RYR3: variants seen among roughly 807,000 people sequenced by gnomAD.
RYR3 encodes the protein ryanodine receptor 3, also known as brain ryanodine receptor-calcium release channel.
In RYR3, 207 loss-of-function variants were observed where a neutral mutation model predicts 584.3. The ratio of observed to expected loss-of-function variants is 0.35; its 90% CI spans 0.32 to 0.40. The LOEUF is 0.40. RYR3 is among the 10% of genes least tolerant of loss of function. RYR3 has a pLI of 1.00. For missense variants in RYR3, 5,616 were observed against 6,089.2 expected, an observed-to-expected ratio of 0.92 and a Z score of 2.59; for synonymous variants, 2,416 against 2,248.5, an observed-to-expected ratio of 1.07 and a Z score of -2.11.
At chr15:33,759,221 A>G (rs888304923) in intron 60 of RYR3, among the ~76,000 whole-genome samples, 1 of 152,204 alleles carries the variant, frequency 6.6e-6, no homozygotes, top group African/African-American at 2.4e-5. Flanking sequence ...AATTCCAAAA[A>G]CCAGAATGTC....
At chr15:33,726,240 G>A (rs1419686581) in intron 45 of RYR3, 146 bp from the exon 46 acceptor site, 1 of 805,300 alleles carries the variant, frequency 1.2e-6, no homozygotes, top group Non-Finnish European at 2.0e-6. Context: ...CTCTTTCCCT[G>A]TGGCCACAAG....
At chr15:33,354,283 C>A (rs1199310205) in intron 1 of RYR3, among the ~76,000 whole-genome samples, 2 of 152,152 alleles carry the variant, frequency 1.3e-5, no homozygotes, top group Admixed American at 1.3e-4. Context: ...GTAAGATGCC[C>A]ATTTCTTAGT....
chr15:33,625,963 C>T (rs2060963099), intron 20 of RYR3, among the ~76,000 whole-genome samples: 1 of 152,194 alleles, frequency 6.6e-6, no homozygotes, highest in South Asian at 2.1e-4. Flanking sequence ...CCTTATACCA[C>T]TGTGGCATTT....
Position 33,772,086 on chromosome 15 carries a change from G to A in RYR3, c.8983G>A (p.Val2995Met). 1 of 1,613,822 alleles carries A rather than the reference G, an allele frequency of 6.2e-7. No homozygotes were observed. The highest frequency in any genetic ancestry group is 8.5e-7 in the Non-Finnish European group (1 of 1,179,838). The stretch of plus-strand genomic sequence containing the variant: ...TTCTCAGAATATTAACTACACTACA[G>A]TGGCTCTGCTCCCCATCCTGACGTC... ...GVSQNINYTT[V>M]ALLPILTSIF... The change falls in exon 63 of 104, where the codon GTG becomes ATG. Residue 2995 changes from valine to methionine, a missense_variant. By Grantham distance (21) the Val-to-Met change is conservative. Around this residue, in one of 9 missense-constraint regions of RYR3, gnomAD observed 954 missense variants for 1,132.2 expected, o/e 0.84. Transcript: ENST00000634891.
chr15:33,519,857 C>T (rs894765546), intron 3 of RYR3, among the ~76,000 whole-genome samples: 1 of 152,084 alleles, frequency 6.6e-6, no homozygotes, highest in Non-Finnish European at 1.5e-5. Flanking sequence ...AGCCTCTCCA[C>T]CCAAGGCTAC....
intron 76 of RYR3, among the ~76,000 whole-genome samples, chr15:33,819,420 C>T (rs1322155856): frequency 1.3e-5 from 2 of 152,090 alleles, no homozygotes; most frequent in Non-Finnish European, 2.9e-5. Flanking sequence ...GCCTGTAATT[C>T]CAGCATTTTG....
At chr15:33,325,572 C>A (rs1461421288) in intron 1 of RYR3, among the ~76,000 whole-genome samples, 1 of 151,308 alleles carries the variant, frequency 6.6e-6, no homozygotes, top group Non-Finnish European at 1.5e-5. Flanking sequence ...CCTTTAGGGT[C>A]CTGAATTCCC....
In RYR3 at chr15:33,755,161, A is replaced by C. The variant is rs1481136779; in HGVS notation, c.8496A>C (p.Gln2832His). ...TCCTGAAATACGTTGATTCTGCTCA[A>C]GAATTTATTGCCCATTTAGGTAAGT... Reference protein sequence around the residue: ...KKILKYVDSAQEFIAHLEAIV... With the variant: ...KKILKYVDSAHEFIAHLEAIV... Residue 2832 changes from glutamine to histidine, a missense_variant, in exon 58 of 104, where the codon CAA becomes CAC. Transcript: ENST00000634891. 5 of 1,605,692 alleles carry C rather than the reference A, an allele frequency of 3.1e-6. No homozygotes were observed. The African/African-American group carries it at 6.7e-5, about 21-fold the overall frequency.
intron 1 of RYR3, among the ~76,000 whole-genome samples, chr15:33,409,189 A>G (rs570191233): frequency 2.4e-4 from 37 of 152,278 alleles, no homozygotes; most frequent in African/African-American, 8.4e-4. Flanking sequence ...ACTCGGAGAT[A>G]AGAAATAGGC....
intron 63 of RYR3, 86 bp from the exon 64 acceptor site, chr15:33,773,448 T>A (rs897941515): frequency 1.2e-5 from 11 of 880,130 alleles, no homozygotes; most frequent in Non-Finnish European, 1.8e-5. Context: ...TCTTTACTGA[T>A]GCTCATGCAT....
chr15:33,696,535 A>C (rs755721611), intron 39 of RYR3, 44 bp downstream of exon 39: 5 of 1,593,810 alleles, frequency 3.1e-6, no homozygotes, highest in Non-Finnish European at 4.3e-6. Context: ...AGGAGCTTTA[A>C]GTGGGAAAAC....
chr15:33,580,265 G>T, intron 13 of RYR3, 121 bp downstream of exon 13: 1 of 835,832 alleles, frequency 1.2e-6, no homozygotes, highest in Non-Finnish European at 1.8e-6. Context: ...GAGGACAAGA[G>T]AGATTTGGAA....
At chr15:33,669,501 G>A in intron 37 of RYR3, 45 bp downstream of exon 37, 1 of 1,545,500 alleles carries the variant, frequency 6.5e-7, no homozygotes, top group Non-Finnish European at 8.9e-7. Context: ...TACAAGAAGA[G>A]TCTGTTTTTG....
At chr15:33,849,527 G>C (rs1320347132) in intron 94 of RYR3, 1 of 152,140 alleles carries the variant, frequency 6.6e-6, no homozygotes, top group African/African-American at 2.4e-5. Context: ...TTTCTTTCCT[G>C]TAACTATCCA....
intron 43 of RYR3, among the ~76,000 whole-genome samples, chr15:33,712,413 G>A (rs1318098864): frequency 6.6e-6 from 1 of 152,178 alleles, no homozygotes; most frequent in Non-Finnish European, 1.5e-5. Flanking sequence ...AAAGATTTTT[G>A]AGGGTAGAGA....
intron 1 of RYR3, among the ~76,000 whole-genome samples, chr15:33,388,667 G>T (rs1175559503): frequency 6.6e-6 from 1 of 152,164 alleles, no homozygotes; most frequent in African/African-American, 2.4e-5. Context: ...GTGAACAGTA[G>T]TTATGGAGTC....
At chr15:33,628,637 C>T (rs1417996554) in intron 21 of RYR3, 62 bp downstream of exon 21, 6 of 1,024,622 alleles carry the variant, frequency 5.9e-6, no homozygotes, top group Non-Finnish European at 9.3e-6. Context: ...TGGAACTGTT[C>T]TTCCTGCTGC....
In RYR3 at chr15:33,412,717, C is replaced by T. The variant is rs2141502007; in HGVS notation, c.52-60702C>T. Among the ~76,000 whole-genome samples the T allele has an allele frequency of 6.6e-6, 1 of 152,296 alleles. No homozygotes were observed. Among genetic ancestry groups the T allele is most frequent in the African/African-American group, 2.4e-5 (1 of 41,574 alleles). ...CTGTGGCTAAATCAAGCTCCCATTC[C>T]ACTGCTGCATTTTCAGAACTGTCCT... is the stretch of plus-strand genomic sequence containing the variant. On this transcript the variant is annotated intron_variant, in intron 1 of 103. Coordinates refer to ENST00000634891, the MANE Select transcript of RYR3 (RefSeq NM_001036.6). The surrounding 1 kb of genome is among the most constrained non-coding windows in gnomAD (Gnocchi z 4.3).
intron 42 of RYR3, among the ~76,000 whole-genome samples, chr15:33,703,488 C>A (rs143631058): frequency 6.6e-6 from 1 of 152,192 alleles, no homozygotes; most frequent in African/African-American, 2.4e-5. Context: ...CTCACGTAGT[C>A]TTTTCTTTGT....
Sources: gnomAD v4.1 joint callset for allele counts (sites outside exome capture counted in the v4.1 genomes callset) on GRCh38, gnomAD v4.1.1 for gene constraint, gnomAD v4.1.1 regional missense constraint, Gnocchi (gnomAD v3.1) non-coding constraint, MANE v1.5 for transcripts, NCBI Gene and HGNC (gene_info 2026-07-23, HGNC 2026-07-21) for gene names.